PRIMA1: variants seen among roughly 807,000 people sequenced by gnomAD.
PRIMA1 encodes the protein proline-rich membrane anchor 1.
In PRIMA1, 7 loss-of-function variants were observed where a neutral mutation model predicts 17.5. The ratio of observed to expected loss-of-function variants is 0.40; its 90% CI spans 0.23 to 0.75. The LOEUF is 0.75. PRIMA1 is among the 30% of genes least tolerant of loss of function. The pLI, the probability that PRIMA1 is intolerant of heterozygous loss-of-function variation, is 0.37. For synonymous variants in PRIMA1, 97 were observed against 77.9 expected, an observed-to-expected ratio of 1.25 and a Z score of -1.29; for missense variants, 200 against 201.8, an observed-to-expected ratio of 0.99 and a Z score of 0.05.
chr14:93,776,124 A>C (rs1220239231), intron 3 of PRIMA1, among the ~76,000 whole-genome samples: 1 of 152,214 alleles, frequency 6.6e-6, no homozygotes, highest in East Asian at 1.9e-4. Context: ...AGAAAAGGCA[A>C]CCCAGGAGAA....
chr14:93,727,917 G>A (rs1027464957), intron 4 of PRIMA1, among the ~76,000 whole-genome samples: 16 of 152,308 alleles, frequency 1.1e-4, no homozygotes, highest in East Asian at 3.9e-4. Context: ...GGGCGGTCAC[G>A]CCCCACCAGG....
chr14:93,761,074 A>G (rs542938191), intron 3 of PRIMA1, among the ~76,000 whole-genome samples: 1 of 152,250 alleles, frequency 6.6e-6, no homozygotes, highest in Admixed American at 6.5e-5. Context: ...GGCTGGGCGC[A>G]GTGGCTCAAG....
At chr14:93,787,034 G>C (rs1179914207) in intron 2 of PRIMA1, among the ~76,000 whole-genome samples, 2 of 151,922 alleles carry the variant, frequency 1.3e-5, no homozygotes, top group Non-Finnish European at 2.9e-5. Flanking sequence ...GGGGGGACTA[G>C]GGACCACCCC....
rs1008052021 is a variant in PRIMA1, at chr14:93,718,526, TAAG to T, written c.*2915_*2917del. On this transcript the variant is annotated 3_prime_UTR_variant, in exon 5 of 5. Transcript: ENST00000393140. ...CTCTCCAGTACACGCGGCACGTTGC[TAAG>T]AAGGCAGATTTCAGGATATTCACAT... 5 of 152,566 alleles carry T rather than the reference TAAG, an allele frequency of 3.3e-5. No homozygotes were observed. Among genetic ancestry groups the T allele is most frequent in the African/African-American group, 9.7e-5 (4 of 41,416 alleles). The allele number at this position is 152,566 out of a possible 1,614,324, so 9.5% of individuals were successfully genotyped here. A position where few individuals can be genotyped will look rare whatever the true frequency, so the allele number is the denominator to read the frequency against.
intron 4 of PRIMA1, among the ~76,000 whole-genome samples, chr14:93,729,912 G>A (rs1337247470): frequency 6.6e-6 from 1 of 151,972 alleles, no homozygotes; most frequent in Non-Finnish European, 1.5e-5. Context: ...TTGAGAGGGA[G>A]GGGGCAGGAA....
intron 3 of PRIMA1, among the ~76,000 whole-genome samples, chr14:93,756,477 C>T (rs34938029): frequency 0.032 from 4,903 of 152,260 alleles, 85 homozygotes; most frequent in Non-Finnish European, 0.052. Context: ...CCTGGCTTGC[C>T]CGGGCGTCTT....
chr14:93,772,789 G>A (rs970329181), intron 3 of PRIMA1, among the ~76,000 whole-genome samples: 4 of 152,160 alleles, frequency 2.6e-5, no homozygotes, highest in African/African-American at 9.7e-5. Flanking sequence ...TCCTTCGAGA[G>A]CCCATCTCAT....
intron 2 of PRIMA1, 57 bp downstream of exon 2, chr14:93,787,569 C>T: frequency 1.3e-6 from 2 of 1,536,236 alleles, no homozygotes; most frequent in African/African-American, 1.4e-5. Flanking sequence ...AGGGAAGGGA[C>T]AGCTCGCCCC....
At chr14:93,729,792 G>A (rs2076101956) in intron 4 of PRIMA1, among the ~76,000 whole-genome samples, 1 of 152,194 alleles carries the variant, frequency 6.6e-6, no homozygotes, top group Admixed American at 6.5e-5. Context: ...GTTATGCGCA[G>A]GTGGGAGAGA....
At chr14:93,754,437 G>A (rs535401986) in intron 3 of PRIMA1, among the ~76,000 whole-genome samples, 5 of 150,832 alleles carry the variant, frequency 3.3e-5, no homozygotes, top group Non-Finnish European at 7.4e-5. Flanking sequence ...GGGCCATGGT[G>A]GGGGGGGCCT....
At chr14:93,772,633 C>T (rs1477090218) in intron 3 of PRIMA1, among the ~76,000 whole-genome samples, 1 of 152,258 alleles carries the variant, frequency 6.6e-6, no homozygotes, top group Non-Finnish European at 1.5e-5. Flanking sequence ...TTCATGCCCA[C>T]CCATGCCTTC....
At chr14:93,770,395 C>T (rs757495952) in intron 3 of PRIMA1, among the ~76,000 whole-genome samples, 3 of 152,244 alleles carry the variant, frequency 2.0e-5, no homozygotes, top group Non-Finnish European at 4.4e-5. Flanking sequence ...CACTGCCTCC[C>T]TGTGGGCTCA....
chr14:93,741,591 G>T (rs1441786918), intron 3 of PRIMA1, among the ~76,000 whole-genome samples: 1 of 152,242 alleles, frequency 6.6e-6, no homozygotes, highest in African/African-American at 2.4e-5. Context: ...ACCAGGGCTG[G>T]TGCTAGCCGC....
In PRIMA1 at chr14:93,757,226, G is replaced by A. The variant is rs565111433; in HGVS notation, c.230-19856C>T. Among the ~76,000 whole-genome samples, 48 of 146,626 alleles carry A rather than the reference G, an allele frequency of 3.3e-4. No homozygotes were observed. The East Asian group carries it at 8.3e-3, about 25-fold the overall frequency. On this transcript the variant is annotated intron_variant, in intron 3 of 4. Coordinates refer to ENST00000393140, the MANE Select transcript of PRIMA1 (RefSeq NM_178013.4). ...AGGAAGGAAGGAAGGAAGGAAGGAAGGAAAGAAGGAAGGAAGGAAGGGAGT... is the reference window on the plus strand; with the variant it reads ...AGGAAGGAAGGAAGGAAGGAAGGAAAGAAAGAAGGAAGGAAGGAAGGGAGT...
At chr14:93,782,711 G>A (rs931567546) in intron 2 of PRIMA1, among the ~76,000 whole-genome samples, 3 of 152,212 alleles carry the variant, frequency 2.0e-5, no homozygotes, top group African/African-American at 7.2e-5. Flanking sequence ...TTAGCCAACT[G>A]TTCTCACAAA....
chr14:93,756,864 G>GTT (rs2076293882), intron 3 of PRIMA1, among the ~76,000 whole-genome samples: 1 of 152,110 alleles, frequency 6.6e-6, no homozygotes, highest in Non-Finnish European at 1.5e-5. Flanking sequence ...CAATCCAGCA[G>GTT]CAAGTCCCCT....
intron 2 of PRIMA1, among the ~76,000 whole-genome samples, chr14:93,785,960 A>G (rs1011795312): frequency 6.6e-6 from 1 of 152,256 alleles, no homozygotes; most frequent in Admixed American, 6.5e-5. Context: ...GGACACTTAA[A>G]AAACTGAACT....
In PRIMA1 at chr14:93,726,747, A is replaced by T. The variant is rs8017380; in HGVS notation, c.360-5201T>A. 0.85 allele frequency among the ~76,000 whole-genome samples: 129,504 copies of T among 152,034 alleles called. 55,625 individuals carry two copies. Among genetic ancestry groups the T allele is most frequent in the Non-Finnish European group, 0.91 (61,995 of 67,988 alleles). On this transcript the variant is annotated intron_variant, in intron 4 of 4. Transcript: ENST00000393140. The surrounding 1 kb of genome is among the most constrained non-coding windows in gnomAD (Gnocchi z 4.2). Reference sequence around the variant, plus strand: ...CACACACATATATGTACACACAGGCACATACGCATAAATGTACAAATCCAC... The same window carrying T: ...CACACACATATATGTACACACAGGCTCATACGCATAAATGTACAAATCCAC...
At position 93,721,075 on chromosome 14, in the gene PRIMA1, A is replaced by G. The variant is rs925256673; in HGVS notation, c.*369T>C. On this transcript the variant is annotated 3_prime_UTR_variant, in exon 5 of 5. Transcript: ENST00000393140. ...GCTCCGGACCATCTTTCTTTTGGCT[A>G]AAGGGGGAAGCCTCCCTGCCACAGT... 15 of 185,950 alleles carry G rather than the reference A, an allele frequency of 8.1e-5. No individual in the cohort carries two copies. Among genetic ancestry groups the G allele is most frequent in the African/African-American group, 3.3e-4 (14 of 42,540 alleles). 11.5% of individuals were successfully genotyped at this position (185,950 alleles called of 1,614,324 possible).
Sources: gnomAD v4.1 joint callset for allele counts (sites outside exome capture counted in the v4.1 genomes callset) on GRCh38, gnomAD v4.1.1 for gene constraint, Gnocchi (gnomAD v3.1) non-coding constraint, MANE v1.5 for transcripts, NCBI Gene and HGNC (gene_info 2026-07-23, HGNC 2026-07-21) for gene names.